Variants in PSMB7 observed in about 807,000 individuals in gnomAD.
The protein encoded by PSMB7 is proteasome 20S subunit beta 7, also known as proteasome subunit beta type-7.
Under a neutral mutation model 28.1 loss-of-function variants are expected in PSMB7, and 5 were observed. That is an observed-to-expected ratio of 0.18 (90% CI 0.09 to 0.37). PSMB7 has a LOEUF of 0.37. PSMB7 is among the 10% of genes least tolerant of loss of function. PSMB7 has a pLI of 1.00. For synonymous variants in PSMB7, 122 were observed against 123.7 expected (o/e 0.99, Z 0.09); for missense variants, 275 against 346.2 (o/e 0.79, Z 1.63).
rs115303320 is a variant in PSMB7 at position 124,413,364 on chromosome 9, G to A, written c.254+544C>T. Among the ~76,000 whole-genome samples, 404 of 151,938 alleles carry A rather than the reference G, an allele frequency of 2.7e-3. 4 individuals carry two copies. The highest frequency in any genetic ancestry group is 8.6e-3 in the African/African-American group (357 of 41,440). On this transcript the variant is annotated intron_variant, in intron 3 of 7. Transcript: ENST00000259457. ...CAGGGTGATGGCAACTGAAAAAGAC[G>A]CTTGAAGGGTAGGCTTTCTATGAGA... is the stretch of plus-strand genomic sequence containing the variant.
chr9:124,401,792 C>T (rs776416452), intron 5 of PSMB7, among the ~76,000 whole-genome samples: 8 of 151,978 alleles, frequency 5.3e-5, no homozygotes, highest in East Asian at 1.9e-4. Flanking sequence ...AGGCAGAGGC[C>T]GGCAGATCAC....
At position 124,388,594 on chromosome 9, in the gene PSMB7, T is replaced by G. The variant is rs184257413; in HGVS notation, c.512-3938A>C. On this transcript the variant is annotated intron_variant, in intron 5 of 7. Transcript: ENST00000259457. ...GGATTCCTGTCTCAGCTGTTGACCC[T>G]ATGTCGCGCTCTCATACAAAAAGTC... 2.4e-3 allele frequency among the ~76,000 whole-genome samples: 360 copies of G among 152,340 alleles called. 2 individuals carry two copies. The highest frequency in any genetic ancestry group is 4.6e-3 in the Non-Finnish European group (315 of 68,034).
intron 6 of PSMB7, among the ~76,000 whole-genome samples, chr9:124,382,849 T>C (rs1830682206): frequency 6.6e-6 from 1 of 152,174 alleles, no homozygotes; most frequent in African/African-American, 2.4e-5. Flanking sequence ...TTTGGTGGAG[T>C]GTTAAAGTCA....
chr9:124,365,251 C>T (rs1830496386), intron 6 of PSMB7, among the ~76,000 whole-genome samples: 1 of 152,118 alleles, frequency 6.6e-6, no homozygotes, highest in South Asian at 2.1e-4. Flanking sequence ...AGGAGATAAT[C>T]TCATTACAAT....
intron 5 of PSMB7, among the ~76,000 whole-genome samples, chr9:124,391,476 G>A (rs1830786502): frequency 6.6e-6 from 1 of 152,082 alleles, no homozygotes; most frequent in South Asian, 2.1e-4. Context: ...ATTTCAGCTC[G>A]ATTACCACAC....
chr9:124,382,209 TTTTTTTTTTTTTTTTTG>T, intron 6 of PSMB7, among the ~76,000 whole-genome samples: 1 of 91,272 alleles, frequency 1.1e-5, no homozygotes, highest in Non-Finnish European at 2.5e-5. Flanking sequence ...TCTTTTTTTT[TTTTTTTTTTTTTTTTTG>T]AGACAAAGTC....
At chr9:124,393,224 G>A (rs757149292) in intron 5 of PSMB7, among the ~76,000 whole-genome samples, 3 of 152,280 alleles carry the variant, frequency 2.0e-5, no homozygotes, top group East Asian at 3.9e-4. Flanking sequence ...CTCACTGCTC[G>A]GTAAAACAGA....
intron 5 of PSMB7, among the ~76,000 whole-genome samples, chr9:124,389,902 T>G (rs1294059336): frequency 6.6e-6 from 1 of 152,190 alleles, no homozygotes; most frequent in Non-Finnish European, 1.5e-5. Context: ...AAACATCTTA[T>G]AATAGCAGGC....
chr9:124,405,454 A>G (rs765971898), intron 4 of PSMB7, 22 bp from the exon 5 acceptor site: 10 of 1,519,604 alleles, frequency 6.6e-6, no homozygotes, highest in African/African-American at 4.1e-5. Flanking sequence ...AGTATGCATA[A>G]GAAAAAAAAC....
At chr9:124,414,561 C>A (rs1170829126) in intron 2 of PSMB7, among the ~76,000 whole-genome samples, 1 of 150,550 alleles carries the variant, frequency 6.6e-6, no homozygotes, top group East Asian at 1.9e-4. Context: ...GATCTCCCAT[C>A]ACATACTTCA....
At chr9:124,378,372 G>A (rs974868044) in intron 6 of PSMB7, among the ~76,000 whole-genome samples, 2 of 152,108 alleles carry the variant, frequency 1.3e-5, no homozygotes, top group Admixed American at 6.5e-5. Context: ...ATATGTATCA[G>A]AGAGGGGGGA....
At chr9:124,358,949 A>C (rs1177036094) in intron 6 of PSMB7, among the ~76,000 whole-genome samples, 3 of 152,238 alleles carry the variant, frequency 2.0e-5, no homozygotes, top group African/African-American at 7.2e-5. Context: ...AAATATACGA[A>C]TGACATGAGA....
At chr9:124,405,820 C>T (rs1351623239) in intron 4 of PSMB7, among the ~76,000 whole-genome samples, 1 of 152,020 alleles carries the variant, frequency 6.6e-6, no homozygotes, top group African/African-American at 2.4e-5. Flanking sequence ...GTAGCTGGGA[C>T]TACAGGTGTG....
chr9:124,399,502 C>A (rs997572927), intron 5 of PSMB7, among the ~76,000 whole-genome samples: 12 of 152,164 alleles, frequency 7.9e-5, no homozygotes, highest in African/African-American at 2.9e-4. Flanking sequence ...AAGGAGGCAG[C>A]AACAGCTGTT....
At chr9:124,415,187 C>T in intron 1 of PSMB7, 177 bp downstream of exon 1, 1 of 706,074 alleles carries the variant, frequency 1.4e-6, no homozygotes, top group East Asian at 2.7e-5. Context: ...GAGAGCAGAC[C>T]CGGCTTCAGG....
intron 6 of PSMB7, 118 bp downstream of exon 6, chr9:124,384,480 A>G (rs1830699319): frequency 2.1e-6 from 2 of 933,292 alleles, no homozygotes; most frequent in Admixed American, 2.8e-5. Flanking sequence ...GCCAAAGAAC[A>G]TTCCAACTAA....
At chr9:124,374,851 C>G (rs1830593665) in intron 6 of PSMB7, among the ~76,000 whole-genome samples, 1 of 151,982 alleles carries the variant, frequency 6.6e-6, no homozygotes, top group Non-Finnish European at 1.5e-5. Flanking sequence ...TAAATAAAAG[C>G]TAGGGATTGG....
intron 5 of PSMB7, among the ~76,000 whole-genome samples, chr9:124,390,177 A>G (rs896037553): frequency 6.6e-6 from 1 of 152,276 alleles, no homozygotes; most frequent in Non-Finnish European, 1.5e-5. Context: ...CTTTTTAATT[A>G]GCAAAGATTA....
At chr9:124,354,495 C>T (rs1346758629) in intron 7 of PSMB7, among the ~76,000 whole-genome samples, 1 of 152,216 alleles carries the variant, frequency 6.6e-6, no homozygotes, top group Admixed American at 6.5e-5. Context: ...CAGAAGGCTG[C>T]TGGCTGTGCC....
Sources: allele counts gnomAD v4.1 joint callset (sites outside exome capture counted in the v4.1 genomes callset), GRCh38; gene constraint gnomAD v4.1.1; transcripts MANE v1.5; gene names NCBI Gene and HGNC (gene_info 2026-07-23, HGNC 2026-07-21).